The following STOX2 variants were observed in gnomAD, a reference collection of about 807,000 sequenced individuals.
The protein encoded by STOX2 is storkhead box 2, also known as storkhead-box protein 2.
STOX2 carries 28 observed loss-of-function variants against 60.9 expected under a neutral mutation model. The observed-to-expected ratio is 0.46, with a 90% CI of 0.34 to 0.63. The LOEUF is 0.63. Ranked by LOEUF, STOX2 falls within the 30% of genes least tolerant of loss-of-function variation. The probability of loss-of-function intolerance (pLI) is 0.01; values close to 1 mark genes in which losing one functional copy is unlikely to be tolerated. For missense variants in STOX2, 1,024 were observed against 1,187.7 expected, an observed-to-expected ratio of 0.86 and a Z score of 2.03; for synonymous variants, 472 against 463.9, an observed-to-expected ratio of 1.02 and a Z score of -0.22.
At chr4:183,994,449 T>C (rs1733245556) in intron 1 of STOX2, among the ~76,000 whole-genome samples, 2 of 152,194 alleles carry the variant, frequency 1.3e-5, no homozygotes, top group South Asian at 4.1e-4. Context: ...AGCCAGTATA[T>C]GGAGCCATTT....
At chr4:183,954,437 C>T (rs2111151769) in intron 1 of STOX2, among the ~76,000 whole-genome samples, 1 of 151,936 alleles carries the variant, frequency 6.6e-6, no homozygotes, top group South Asian at 2.1e-4. Flanking sequence ...TACAGGCGCC[C>T]ACCACCATAC....
At chr4:183,988,162 A>G (rs969435141) in intron 1 of STOX2, 2 of 152,164 alleles carry the variant, frequency 1.3e-5, no homozygotes, top group Non-Finnish European at 2.9e-5. Flanking sequence ...TGCACAGACA[A>G]ACAGAGGCTG....
intron 1 of STOX2, among the ~76,000 whole-genome samples, chr4:183,927,111 C>T (rs1742263290): frequency 6.6e-6 from 1 of 152,204 alleles, no homozygotes; most frequent in South Asian, 2.1e-4. Flanking sequence ...GCTTTTCTAG[C>T]CAGTTATTGA....
chr4:183,864,475 C>T (rs557811342), intron 1 of STOX2, among the ~76,000 whole-genome samples: 2 of 152,242 alleles, frequency 1.3e-5, no homozygotes, highest in East Asian at 1.9e-4. Context: ...CTCACTGCAA[C>T]CTCCACCTCC....
chr4:183,991,808 CT>C (rs1269416812), intron 1 of STOX2, among the ~76,000 whole-genome samples: 1 of 152,176 alleles, frequency 6.6e-6, no homozygotes, highest in Non-Finnish European at 1.5e-5. Context: ...CATCCATTAT[CT>C]CATTTAATCC....
At chr4:183,898,901 C>T (rs533844914) in intron 1 of STOX2, among the ~76,000 whole-genome samples, 1 of 152,252 alleles carries the variant, frequency 6.6e-6, no homozygotes, top group South Asian at 2.1e-4. Context: ...TGCTTTGTTC[C>T]ACTTTGCAGA....
intron 1 of STOX2, among the ~76,000 whole-genome samples, chr4:183,839,924 C>T (rs919922318): frequency 7.2e-5 from 11 of 152,240 alleles, no homozygotes; most frequent in East Asian, 1.9e-4. Flanking sequence ...TTTTGGCCAA[C>T]GCTCTAAGGG....
intron 1 of STOX2, among the ~76,000 whole-genome samples, chr4:183,930,008 C>T (rs530543433): frequency 8.6e-5 from 13 of 151,860 alleles, no homozygotes; most frequent in South Asian, 4.2e-4. Flanking sequence ...GGACTATGGG[C>T]GCCCCTCACC....
rs1739299111 is a variant in STOX2, at chr4:183,821,328, C to T, written c.364+23273C>T. Among the ~76,000 whole-genome samples, 1 of 152,204 alleles carries T rather than the reference C, an allele frequency of 6.6e-6. No individual in the cohort carries two copies. Among genetic ancestry groups the T allele is most frequent in the Admixed American group, 6.5e-5 (1 of 15,274 alleles). On this transcript the variant is annotated intron_variant, in intron 1 of 2. Coordinates refer to the STOX2 transcript ENST00000513034. This position sits in a 1 kb window ranked among gnomAD's most constrained non-coding sequence, Gnocchi z 4.2. ...GCAGATAATGGCTTTATTTTCCTCC[C>T]TGTCTTAATAGGTGGAAGCCTGTGC...
intron 1 of STOX2, among the ~76,000 whole-genome samples, chr4:183,997,137 A>G (rs1733378101): frequency 6.6e-6 from 1 of 152,212 alleles, no homozygotes; most frequent in South Asian, 2.1e-4. Context: ...GCACACATGC[A>G]GGGAGAGAAG....
chr4:183,819,427 C>T (rs188672306), intron 1 of STOX2, among the ~76,000 whole-genome samples: 1 of 151,848 alleles, frequency 6.6e-6, no homozygotes, highest in South Asian at 2.1e-4. Context: ...CGCCCACAAT[C>T]GCAGGCACTG....
chr4:183,997,301 CA>C (rs1279527027), intron 1 of STOX2, among the ~76,000 whole-genome samples: 2 of 152,198 alleles, frequency 1.3e-5, no homozygotes, highest in African/African-American at 4.8e-5. Context: ...ACAAAAAATA[CA>C]AAGGCCCTGA....
chr4:183,894,702 A>G (rs1195090338), intron 1 of STOX2, among the ~76,000 whole-genome samples: 1 of 152,138 alleles, frequency 6.6e-6, no homozygotes, highest in Non-Finnish European at 1.5e-5. Context: ...CATCCTTTAA[A>G]CTCCATCTGT....
chr4:183,940,883 T>C (rs2111128986), intron 1 of STOX2, among the ~76,000 whole-genome samples: 1 of 152,342 alleles, frequency 6.6e-6, no homozygotes, highest in South Asian at 2.1e-4. Context: ...ATAAAATAAT[T>C]GTCCAATAAA....
At chr4:183,890,967 G>GGGCAT (rs1741194817) in intron 1 of STOX2, among the ~76,000 whole-genome samples, 1 of 152,032 alleles carries the variant, frequency 6.6e-6, no homozygotes, top group Admixed American at 6.6e-5. Context: ...AAAAATAGGT[G>GGGCAT]GGCATGGTGG....
In STOX2 at chr4:183,888,125, C is replaced by T. The variant is rs375842967; in HGVS notation, c.364+90070C>T. Among the ~76,000 whole-genome samples, 8 of 152,188 alleles carry T rather than the reference C, an allele frequency of 5.3e-5. No homozygotes were observed. In the East Asian group the frequency reaches 1.2e-3, roughly 22 times the overall value. ...GGCCATGTGTATCTTTCTACCCTAC[C>T]GGGAGGAAAATATGGTGTTGGAGAC... On this transcript the variant is annotated intron_variant, in intron 1 of 2. Transcript: ENST00000513034.
chr4:183,993,676 T>G (rs1466386183), intron 1 of STOX2, among the ~76,000 whole-genome samples: 1 of 152,246 alleles, frequency 6.6e-6, no homozygotes, highest in Non-Finnish European at 1.5e-5. Flanking sequence ...TTCAGTTGAC[T>G]ATTGCCATCG....
At chr4:184,008,281 TC>T in intron 2 of STOX2, among the ~76,000 whole-genome samples, 1 of 152,350 alleles carries the variant, frequency 6.6e-6, no homozygotes. Context: ...GAATTTATGC[TC>T]TTAATTCTGT....
At chr4:183,994,411 CT>C (rs748154704) in intron 1 of STOX2, among the ~76,000 whole-genome samples, 8 of 152,114 alleles carry the variant, frequency 5.3e-5, no homozygotes, top group Non-Finnish European at 1.0e-4. Flanking sequence ...ATGATGAAGC[CT>C]TTATTGTAAG....
Sources: allele counts gnomAD v4.1 joint callset (sites outside exome capture counted in the v4.1 genomes callset), GRCh38; gene constraint gnomAD v4.1.1; non-coding constraint Gnocchi (gnomAD v3.1); transcripts MANE v1.5; gene names NCBI Gene and HGNC (gene_info 2026-07-23, HGNC 2026-07-21).